NLN: variants seen among roughly 807,000 people sequenced by gnomAD.
NLN encodes the protein neurolysin, mitochondrial.
A neutral mutation model predicts 79.9 loss-of-function variants in NLN; 64 were observed. The observed-to-expected ratio is 0.80, with a 90% CI of 0.65 to 0.99. NLN has a LOEUF of 0.99. Ranked by LOEUF, NLN falls within the 50% of genes least tolerant of loss-of-function variation. The pLI, the probability that NLN is intolerant of heterozygous loss-of-function variation, is 0.00. For missense variants in NLN, 835 were observed against 858.7 expected, an observed-to-expected ratio of 0.97 and a Z score of 0.34; for synonymous variants, 267 against 296.6, an observed-to-expected ratio of 0.90 and a Z score of 1.02.
chr5:65,819,794 C>A (rs1043968632), intron 12 of NLN, among the ~76,000 whole-genome samples: 1 of 152,188 alleles, frequency 6.6e-6, no homozygotes, highest in African/African-American at 2.4e-5. Context: ...CACGTTCTCT[C>A]ACACAAAAGA....
intron 1 of NLN, among the ~76,000 whole-genome samples, chr5:65,738,053 C>T (rs753120209): frequency 4.0e-5 from 6 of 150,304 alleles, no homozygotes; most frequent in Non-Finnish European, 5.9e-5. Context: ...GCTTGCACCT[C>T]GGGAGGCGGA....
intron 3 of NLN, 124 bp from the exon 4 acceptor site, chr5:65,777,303 T>C: frequency 1.4e-6 from 1 of 692,932 alleles, no homozygotes; most frequent in Non-Finnish European, 2.6e-6. Flanking sequence ...AGGGCCTGCC[T>C]CGTAATCACC....
chr5:65,805,271 A>G (rs1236149769), intron 9 of NLN, among the ~76,000 whole-genome samples: 2 of 152,222 alleles, frequency 1.3e-5, no homozygotes, highest in African/African-American at 2.4e-5. Context: ...TGAAAGGAAG[A>G]GTCATAAGTC....
chr5:65,749,861 G>C (rs912944417), intron 1 of NLN, among the ~76,000 whole-genome samples: 5 of 152,294 alleles, frequency 3.3e-5, no homozygotes, highest in African/African-American at 9.6e-5. Context: ...CCTTGGCCCT[G>C]CTCCCTATGG....
rs1760513490 is a variant in NLN at position 65,810,180 on chromosome 5, T to C, written c.1843+15T>C. 6.2e-7 allele frequency: 1 copy of C among 1,611,600 alleles called. No homozygotes were observed. The highest frequency in any genetic ancestry group is 8.5e-7 in the Non-Finnish European group (1 of 1,178,000). ...AGCTACTCCAGGTATGTAACTACTA[T>C]GAATTGAGTTCATTTCTCTGTGAAG... On this transcript the variant is annotated intron_variant, in intron 11 of 12. Coordinates refer to ENST00000380985, the MANE Select transcript of NLN (RefSeq NM_020726.5).
intron 1 of NLN, among the ~76,000 whole-genome samples, chr5:65,738,135 GAA>G (rs5868418): frequency 4.0e-4 from 50 of 124,610 alleles, no homozygotes; most frequent in Middle Eastern, 4.5e-3. Context: ...TCTCACAAAA[GAA>G]AAAAAAAAAA....
chr5:65,804,692 C>G (rs1432234910), intron 9 of NLN, among the ~76,000 whole-genome samples: 2 of 151,966 alleles, frequency 1.3e-5, no homozygotes, highest in African/African-American at 4.8e-5. Flanking sequence ...CCACACCCAG[C>G]TAATTTTTTT....
intron 8 of NLN, among the ~76,000 whole-genome samples, chr5:65,791,341 T>G (rs1303351074): frequency 6.6e-6 from 1 of 152,162 alleles, no homozygotes; most frequent in African/African-American, 2.4e-5. Flanking sequence ...GCAGATCACC[T>G]GAGGTCAGGA....
At position 65,788,144 on chromosome 5, in the gene NLN, T is replaced by G. The variant is rs548598442; in HGVS notation, c.985T>G (p.Leu329Val). 52 of 1,613,958 alleles carry G rather than the reference T, an allele frequency of 3.2e-5. 1 individual carries two copies. The Admixed American group carries it at 6.7e-4, about 21-fold the overall frequency. ...TGATTTAAGCCAGAAGTTAAAACCC[T>G]TGGGTGAAGCAGAACGAGAGTTTAT... ...LDDLSQKLKP[L>V]GEAEREFILN... The change falls in exon 8 of 13, where the codon TTG becomes GTG. Residue 329 changes from leucine to valine, a missense_variant. By Grantham distance (32) the Leu-to-Val change is conservative (BLOSUM62 1). Coordinates refer to ENST00000380985, the MANE Select transcript of NLN (RefSeq NM_020726.5).
intron 1 of NLN, among the ~76,000 whole-genome samples, chr5:65,744,416 A>G (rs1397017604): frequency 1.3e-5 from 2 of 151,866 alleles, no homozygotes; most frequent in Non-Finnish European, 2.9e-5. Flanking sequence ...TTGCTGAAGG[A>G]ATAACTGAAT....
At chr5:65,816,853 A>C (rs565806851) in intron 12 of NLN, among the ~76,000 whole-genome samples, 1 of 152,284 alleles carries the variant, frequency 6.6e-6, no homozygotes, top group East Asian at 1.9e-4. Flanking sequence ...TGTGTGGGTC[A>C]TTTTGAGAAG....
chr5:65,815,864 T>G (rs181784260), intron 12 of NLN, among the ~76,000 whole-genome samples: 1 of 152,296 alleles, frequency 6.6e-6, no homozygotes, highest in Admixed American at 6.5e-5. Context: ...ATTAATGCTT[T>G]GGGACAACAA....
intron 5 of NLN, among the ~76,000 whole-genome samples, 196 bp downstream of exon 5, chr5:65,780,477 A>C (rs1015686844): frequency 3.3e-5 from 5 of 152,268 alleles, no homozygotes; most frequent in African/African-American, 1.2e-4. Flanking sequence ...ATTTTAGGCT[A>C]ATGAGGGTAT....
At chr5:65,776,501 G>A (rs1759681840) in intron 3 of NLN, among the ~76,000 whole-genome samples, 1 of 152,184 alleles carries the variant, frequency 6.6e-6, no homozygotes, top group South Asian at 2.1e-4. Context: ...GTCATGGAGA[G>A]AATCTTTAAC....
At chr5:65,800,663 CTTATTTATTTAT>C (rs1554033902) in intron 9 of NLN, among the ~76,000 whole-genome samples, 27 of 142,972 alleles carry the variant, frequency 1.9e-4, no homozygotes, top group African/African-American at 5.9e-4. Flanking sequence ...AGAAAACTCT[CTTATTTATTTAT>C]TTATTTATTT....
rs773900739 is a variant in NLN at position 65,812,393 on chromosome 5, T to TTGGA, written c.1980+2_1980+3insTGGA. Reference sequence around the variant, plus strand: ...AAAGAAGGGATAATGAATCCAGAGGTATAGTATTATTTTTCTCCTTTTATT... The same window carrying TTGGA: ...AAAGAAGGGATAATGAATCCAGAGGTTGGAATAGTATTATTTTTCTCCTTTTATT... On this transcript the variant is annotated splice_region_variant and intron_variant, in intron 12 of 12. Transcript: ENST00000380985. The TTGGA allele has an allele frequency of 6.6e-7, 1 of 1,503,946 alleles. No individual in the cohort carries two copies. The highest frequency in any genetic ancestry group is 9.2e-7 in the Non-Finnish European group (1 of 1,084,862). The allele number at this position is 1,503,946 out of a possible 1,614,324, so 93.2% of individuals were successfully genotyped here.
At chr5:65,724,884 C>T (rs1488811116) in intron 1 of NLN, among the ~76,000 whole-genome samples, 5 of 150,876 alleles carry the variant, frequency 3.3e-5, no homozygotes, top group African/African-American at 4.9e-5. Context: ...TCACTGCAAG[C>T]GCCGCCTCCC....
At chr5:65,773,894 G>T (rs1331275721) in intron 3 of NLN, among the ~76,000 whole-genome samples, 1 of 152,156 alleles carries the variant, frequency 6.6e-6, no homozygotes, top group Non-Finnish European at 1.5e-5. Flanking sequence ...AATGAGCCAT[G>T]ATCACACCAC....
intron 9 of NLN, among the ~76,000 whole-genome samples, chr5:65,807,421 G>A (rs192858836): frequency 6.6e-6 from 1 of 151,532 alleles, no homozygotes; most frequent in Non-Finnish European, 1.5e-5. Context: ...TTGTCTTTGT[G>A]GGTGTTTTTG....
Sources: allele counts gnomAD v4.1 joint callset (sites outside exome capture counted in the v4.1 genomes callset), GRCh38; gene constraint gnomAD v4.1.1; transcripts MANE v1.5; gene names NCBI Gene and HGNC (gene_info 2026-07-23, HGNC 2026-07-21).